ZNF736: variants seen among roughly 807,000 people sequenced by gnomAD.
The protein encoded by ZNF736 is zinc finger protein 736, also known as KRAB-containing zinc-finger repressor protein.
ZNF736 carries 6 observed loss-of-function variants against 11.7 expected under a neutral mutation model. That is an observed-to-expected ratio of 0.51 (90% CI 0.28 to 1.01). ZNF736 has a LOEUF of 1.01. ZNF736 is among the 50% of genes least tolerant of loss of function. The probability of loss-of-function intolerance (pLI) is 0.09; values close to 1 mark genes in which losing one functional copy is unlikely to be tolerated. For missense variants in ZNF736, 444 were observed against 496.0 expected (o/e 0.90, Z 1.00); for synonymous variants, 139 against 164.7 (o/e 0.84, Z 1.19).
intron 1 of ZNF736, among the ~76,000 whole-genome samples, chr7:64,328,806 T>TG (rs1789117977): frequency 6.6e-6 from 1 of 152,206 alleles, no homozygotes; most frequent in East Asian, 1.9e-4. Flanking sequence ...TTGTGCTTGG[T>TG]ATTCTATAAC....
At chr7:64,327,224 A>C (rs1341583041) in intron 1 of ZNF736, among the ~76,000 whole-genome samples, 1 of 152,198 alleles carries the variant, frequency 6.6e-6, no homozygotes. Flanking sequence ...AGGTGCATAT[A>C]AATTTGCAGT....
intron 1 of ZNF736, among the ~76,000 whole-genome samples, chr7:64,319,132 G>T (rs1434276705): frequency 6.6e-6 from 1 of 151,770 alleles, no homozygotes; most frequent in Non-Finnish European, 1.5e-5. Flanking sequence ...CATTATCCTT[G>T]CAAAAATCAT....
At chr7:64,340,873 G>C (rs1281831679) in intron 3 of ZNF736, among the ~76,000 whole-genome samples, 1 of 151,922 alleles carries the variant, frequency 6.6e-6, no homozygotes, top group South Asian at 2.1e-4. Flanking sequence ...TCATCACTTC[G>C]AAATTTAGGA....
chr7:64,320,243 T>G (rs1459745869), intron 1 of ZNF736, among the ~76,000 whole-genome samples: 1 of 152,196 alleles, frequency 6.6e-6, no homozygotes, highest in Non-Finnish European at 1.5e-5. Context: ...ATCTATATTT[T>G]CAGGCCACAT....
At chr7:64,340,249 T>C (rs1789318819) in intron 3 of ZNF736, among the ~76,000 whole-genome samples, 1 of 152,214 alleles carries the variant, frequency 6.6e-6, no homozygotes, top group Non-Finnish European at 1.5e-5. Context: ...GTGCTGAAAC[T>C]GAGTCACTGA....
intron 1 of ZNF736, among the ~76,000 whole-genome samples, chr7:64,324,799 A>T (rs530600265): frequency 2.6e-5 from 4 of 152,322 alleles, no homozygotes; most frequent in African/African-American, 9.6e-5. Flanking sequence ...TAGTCTTTCC[A>T]CTAACTCTGG....
rs1231858499 is a variant in ZNF736, at chr7:64,314,333, G to A, written c.3+180G>A. ...TCGCAGATTAGGGGCTGAGCCAGCA[G>A]CCAAAACGCTACGTCTTGTTTTGTC... On this transcript the variant is annotated intron_variant, in intron 1 of 3. Coordinates refer to ENST00000423484, the MANE Select transcript of ZNF736 (RefSeq NM_001170905.3). Among the ~76,000 whole-genome samples, 3 of 152,248 alleles carry A rather than the reference G, an allele frequency of 2.0e-5. No individual in the cohort carries two copies. In the East Asian group the frequency reaches 5.8e-4, roughly 30 times the overall value.
chr7:64,330,990 G>A (rs1789157922), intron 1 of ZNF736, among the ~76,000 whole-genome samples: 3 of 152,118 alleles, frequency 2.0e-5, no homozygotes, highest in African/African-American at 7.2e-5. Context: ...TTTTCTCCTG[G>A]AGCTGTGAAC....
Position 64,348,146 on chromosome 7 carries a change from T to C in ZNF736, c.283T>C (p.Phe95Leu). ...ILPDHDIKDS[F>L]QKVILRKYGS... The stretch of plus-strand genomic sequence containing the variant: ...GCCGGATCATGACATAAAAGATTCA[T>C]TTCAAAAAGTGATTCTGAGAAAATA... The change falls in exon 4 of 4, where the codon TTT (phenylalanine) becomes CTT (leucine). Residue 95 changes from phenylalanine to leucine, a missense_variant. Transcript: ENST00000423484. The C allele has an allele frequency of 6.5e-6, 10 of 1,548,254 alleles. No homozygotes were observed. The highest frequency in any genetic ancestry group is 8.7e-6 in the Non-Finnish European group (10 of 1,146,092).
chr7:64,319,331 GTGTA>G (rs1168269136), intron 1 of ZNF736, among the ~76,000 whole-genome samples: 3,806 of 75,400 alleles, frequency 0.05, 372 homozygotes, highest in African/African-American at 0.065. Context: ...GTGTGTGTAT[GTGTA>G]TATATATATA....
At chr7:64,317,332 C>T (rs577627686) in intron 1 of ZNF736, among the ~76,000 whole-genome samples, 1 of 152,188 alleles carries the variant, frequency 6.6e-6, no homozygotes, top group South Asian at 2.1e-4. Context: ...GGAGGTGACA[C>T]CTCACCAAGG....
intron 1 of ZNF736, among the ~76,000 whole-genome samples, chr7:64,317,886 TC>T (rs1203316084): frequency 1.3e-5 from 2 of 152,020 alleles, no homozygotes; most frequent in Non-Finnish European, 2.9e-5. Flanking sequence ...AATTGCCGTT[TC>T]TTTAAGAAAA....
At chr7:64,342,980 T>C (rs1789358461) in intron 3 of ZNF736, among the ~76,000 whole-genome samples, 1 of 152,162 alleles carries the variant, frequency 6.6e-6, no homozygotes, top group South Asian at 2.1e-4. Flanking sequence ...TGTGCAAAAA[T>C]AGCAGCTATA....
At chr7:64,328,149 A>T (rs1347432262) in intron 1 of ZNF736, among the ~76,000 whole-genome samples, 1 of 152,018 alleles carries the variant, frequency 6.6e-6, no homozygotes, top group Non-Finnish European at 1.5e-5. Context: ...CTTATTGCTC[A>T]TTAATGTCCT....
intron 1 of ZNF736, among the ~76,000 whole-genome samples, chr7:64,332,975 G>A (rs572667131): frequency 6.6e-6 from 1 of 152,150 alleles, no homozygotes; most frequent in Non-Finnish European, 1.5e-5. Context: ...TTAAACACAT[G>A]TTTTACAATC....
At chr7:64,337,110 C>A (rs1469523116) in intron 3 of ZNF736, 128 bp downstream of exon 3, 3 of 801,282 alleles carry the variant, frequency 3.7e-6, no homozygotes, top group Non-Finnish European at 6.0e-6. Context: ...ACCTTCATTT[C>A]TTTCTCTTGC....
At chr7:64,347,140 G>A (rs73368024) in intron 3 of ZNF736, among the ~76,000 whole-genome samples, 3,694 of 151,242 alleles carry the variant, frequency 0.024, 157 homozygotes, top group African/African-American at 0.086. Flanking sequence ...TTAGGCTAGG[G>A]AGTCTTGGAG....
chr7:64,317,256 G>A (rs1166245795), intron 1 of ZNF736, among the ~76,000 whole-genome samples: 3 of 152,066 alleles, frequency 2.0e-5, no homozygotes, highest in Admixed American at 1.3e-4. Flanking sequence ...GAGCTGCAAT[G>A]GATGTAACAG....
chr7:64,337,401 G>T, intron 3 of ZNF736: 1 of 170,822 alleles, frequency 5.9e-6, no homozygotes, highest in Non-Finnish European at 1.2e-5. Context: ...TTAAGTTTTG[G>T]TGATATTACA....
Sources: allele counts gnomAD v4.1 joint callset (sites outside exome capture counted in the v4.1 genomes callset), GRCh38; gene constraint gnomAD v4.1.1; transcripts MANE v1.5; gene names NCBI Gene and HGNC (gene_info 2026-07-23, HGNC 2026-07-21).